Variants in KIAA1217 observed in about 807,000 individuals in gnomAD.
KIAA1217 encodes sickle tail protein homolog.
KIAA1217 carries 88 observed loss-of-function variants against 163.9 expected under a neutral mutation model. The ratio of observed to expected loss-of-function variants is 0.54; its 90% CI spans 0.45 to 0.64. The LOEUF (loss-of-function observed/expected upper bound fraction) is 0.64. Among genes scored for constraint, KIAA1217 ranks in the 30% least tolerant of loss-of-function variants. The pLI is 0.00. For missense variants in KIAA1217, 2,372 were observed against 2,475.0 expected, an observed-to-expected ratio of 0.96 and a Z score of 0.88; for synonymous variants, 903 against 923.1, an observed-to-expected ratio of 0.98 and a Z score of 0.39.
At chr10:23,933,963 T>C (rs1843364633) in intron 1 of KIAA1217, among the ~76,000 whole-genome samples, 1 of 152,220 alleles carries the variant, frequency 6.6e-6, no homozygotes, top group Admixed American at 6.5e-5. Flanking sequence ...GTTCAACCAT[T>C]ATTGAAGACA....
intron 2 of KIAA1217, among the ~76,000 whole-genome samples, chr10:24,045,968 A>G (rs1247274364): frequency 2.0e-5 from 3 of 152,118 alleles, no homozygotes; most frequent in Non-Finnish European, 4.4e-5. Flanking sequence ...GTTGAAGTGT[A>G]TGTGTTGATA....
intron 1 of KIAA1217, among the ~76,000 whole-genome samples, chr10:23,836,407 A>G (rs573576549): frequency 6.6e-6 from 1 of 152,102 alleles, no homozygotes; most frequent in African/African-American, 2.4e-5. Context: ...AAGGAGGACC[A>G]TGTGAAGACA....
intron 1 of KIAA1217, among the ~76,000 whole-genome samples, chr10:23,700,906 A>G (rs1175077452): frequency 7.2e-6 from 1 of 138,256 alleles, no homozygotes. Context: ...GGTAAACTCC[A>G]TAAAGGAAGA....
chr10:23,713,742 A>C (rs1837399927), intron 1 of KIAA1217, among the ~76,000 whole-genome samples: 1 of 152,178 alleles, frequency 6.6e-6, no homozygotes, highest in African/African-American at 2.4e-5. Flanking sequence ...TTTTGCCAAA[A>C]TATGTGATGT....
At chr10:23,888,151 C>T (rs574466246) in intron 1 of KIAA1217, among the ~76,000 whole-genome samples, 2 of 151,992 alleles carry the variant, frequency 1.3e-5, no homozygotes, top group African/African-American at 4.8e-5. Context: ...TAACATAGGA[C>T]GTCCAGGCCA....
rs528700505 is a variant in KIAA1217 at position 23,880,560 on chromosome 10, T to TA, written c.-320-126657dup. 4.5e-4 allele frequency among the ~76,000 whole-genome samples: 68 copies of TA among 151,844 alleles called. 1 individual carries two copies. The highest frequency in any genetic ancestry group is 3.1e-3 in the East Asian group (16 of 5,112). ...TGCTAGGAAATCAGGGTGACTATAG[T>TA]AAAAAAAATTTAATTGTTCATTGAA... On this transcript the variant is annotated intron_variant, in intron 1 of 18. Coordinates refer to the KIAA1217 transcript ENST00000376462.
At chr10:24,116,129 C>T (rs750395219) in intron 2 of KIAA1217, among the ~76,000 whole-genome samples, 6 of 152,194 alleles carry the variant, frequency 3.9e-5, no homozygotes, top group Non-Finnish European at 8.8e-5. Flanking sequence ...ATCCATCTTG[C>T]CCCCTGGGAT....
intron 2 of KIAA1217, among the ~76,000 whole-genome samples, chr10:24,032,619 C>T (rs553639007): frequency 1.1e-3 from 169 of 152,254 alleles, no homozygotes; most frequent in Middle Eastern, 3.4e-3. Flanking sequence ...ACAGGAGCCT[C>T]GCTTGCATTT....
Position 24,545,935 on chromosome 10 carries a change from C to T in KIAA1217, c.5443C>T (p.Leu1815=). The change falls in exon 21 of 21, where the codon CTG becomes TTG. Residue 1815 remains leucine (L), a synonymous_variant. Coordinates refer to ENST00000376454, the MANE Select transcript of KIAA1217 (RefSeq NM_019590.5). ...TCCCAGCTCTGGGAAAAGCAGTTCT[C>T]TGCCCTCTTCTAGTGGTGACAGCTC... is the stretch of plus-strand genomic sequence containing the variant. ...LSPSSGKSSS[L]PSSSGDSSNL... The T allele has an allele frequency of 1.9e-6, 3 of 1,614,174 alleles. No individual in the cohort carries two copies. The highest frequency in any genetic ancestry group is 2.5e-6 in the Non-Finnish European group (3 of 1,180,038).
At chr10:24,364,761 CCTTT>C (rs770632529) in intron 2 of KIAA1217, among the ~76,000 whole-genome samples, 29 of 151,978 alleles carry the variant, frequency 1.9e-4, no homozygotes, top group African/African-American at 3.9e-4. Context: ...TGCCTTCCTT[CCTTT>C]CTTTCTTTCT....
chr10:24,130,883 C>A (rs1041033783), intron 2 of KIAA1217, among the ~76,000 whole-genome samples: 2 of 152,158 alleles, frequency 1.3e-5, no homozygotes, highest in African/African-American at 4.8e-5. Context: ...GTAGACATGA[C>A]TTTAAACTGA....
intron 2 of KIAA1217, among the ~76,000 whole-genome samples, chr10:24,153,547 G>A (rs1165966191): frequency 6.6e-6 from 1 of 152,164 alleles, no homozygotes; most frequent in Non-Finnish European, 1.5e-5. Flanking sequence ...TAGAGAGCCG[G>A]AGACCGAGCT....
intron 3 of KIAA1217, among the ~76,000 whole-genome samples, chr10:24,410,172 T>G (rs1156768917): frequency 6.6e-6 from 1 of 151,830 alleles, no homozygotes; most frequent in Non-Finnish European, 1.5e-5. Context: ...AATTTTGTAT[T>G]TTTAGTAGAG....
rs1373841510 is a variant in KIAA1217 at position 23,790,402 on chromosome 10, T to C, written c.-321+95168T>C. On this transcript the variant is annotated intron_variant, in intron 1 of 18. Transcript: ENST00000376462. ...GTATATATACATATGTATATATACATATATACATATACATATATACATATA... is the reference window on the plus strand; with the variant it reads ...GTATATATACATATGTATATATACACATATACATATACATATATACATATA... Among the ~76,000 whole-genome samples, 7 of 112,758 alleles carry C rather than the reference T, an allele frequency of 6.2e-5. 2 individuals carry two copies. In the South Asian group the frequency reaches 1.1e-3, roughly 18 times the overall value. 74.0% of individuals were successfully genotyped at this position (112,758 alleles called of 152,430 possible). A position where few individuals can be genotyped will look rare whatever the true frequency, so the allele number is the denominator to read the frequency against.
At chr10:23,940,733 A>G (rs1354217047) in intron 1 of KIAA1217, among the ~76,000 whole-genome samples, 2 of 152,194 alleles carry the variant, frequency 1.3e-5, no homozygotes, top group African/African-American at 2.4e-5. Context: ...ATTCCATCAT[A>G]CAATGTATAT....
At chr10:24,420,665 T>G (rs1189163917) in intron 3 of KIAA1217, among the ~76,000 whole-genome samples, 2 of 152,228 alleles carry the variant, frequency 1.3e-5, no homozygotes, top group African/African-American at 2.4e-5. Flanking sequence ...GCTTCTCACA[T>G]GTATGTCTTT....
intron 2 of KIAA1217, among the ~76,000 whole-genome samples, chr10:24,348,964 T>G (rs941902442): frequency 1.3e-5 from 2 of 152,144 alleles, no homozygotes; most frequent in South Asian, 4.2e-4. Flanking sequence ...CTGGGCAATA[T>G]AGTGAGAATC....
At chr10:24,345,347 T>C (rs2047598985) in intron 2 of KIAA1217, among the ~76,000 whole-genome samples, 1 of 152,194 alleles carries the variant, frequency 6.6e-6, no homozygotes, top group African/African-American at 2.4e-5. Context: ...TATCTACGCA[T>C]AGGAGTCATT....
chr10:24,408,998 A>G (rs1045994424), intron 3 of KIAA1217, among the ~76,000 whole-genome samples: 7 of 152,236 alleles, frequency 4.6e-5, no homozygotes, highest in Admixed American at 3.9e-4. Flanking sequence ...CACATAGTAG[A>G]TGCTCAATAA....
Sources: allele counts gnomAD v4.1 joint callset (sites outside exome capture counted in the v4.1 genomes callset), GRCh38; gene constraint gnomAD v4.1.1; transcripts MANE v1.5; gene names NCBI Gene and HGNC (gene_info 2026-07-23, HGNC 2026-07-21).